Variants in AOPEP observed in about 807,000 individuals in gnomAD.
The protein encoded by AOPEP is aminopeptidase O.
Under a neutral mutation model 98.1 loss-of-function variants are expected in AOPEP, and 77 were observed. The observed-to-expected ratio is 0.78, with a 90% CI of 0.65 to 0.95. The LOEUF is 0.95. Among genes scored for constraint, AOPEP ranks in the 40% least tolerant of loss-of-function variants. The probability of loss-of-function intolerance (pLI) is 0.00; values close to 1 mark genes in which losing one functional copy is unlikely to be tolerated. For synonymous variants in AOPEP, 346 were observed against 365.3 expected, an observed-to-expected ratio of 0.95 and a Z score of 0.60; for missense variants, 1,024 against 1,024.7, an observed-to-expected ratio of 1.00 and a Z score of 0.01.
the AOPEP span, chr9:95,111,313 A>G: frequency 6.3e-7 from 1 of 1,592,716 alleles, no homozygotes; most frequent in African/African-American, 1.3e-5. Context: ...GCTGGAGATC[A>G]CCATGCCTGC....
At chr9:95,060,974 T>C (rs2067269417) in intron 14 of AOPEP, 164 bp downstream of exon 14, 1 of 590,370 alleles carries the variant, frequency 1.7e-6, no homozygotes, top group South Asian at 2.1e-5. Context: ...TGATTATGCT[T>C]ATGCTTCTAA....
At chr9:95,131,067 T>C in the AOPEP span, among the ~76,000 whole-genome samples, 2 of 152,278 alleles carry the variant, frequency 1.3e-5, no homozygotes, top group Non-Finnish European at 2.9e-5. Context: ...TCTTTCTTTT[T>C]AATCTTTACC....
At chr9:95,005,281 G>T (rs2061907117) in intron 12 of AOPEP, 61 bp downstream of exon 12, 3 of 888,780 alleles carry the variant, frequency 3.4e-6, no homozygotes, top group South Asian at 1.1e-4. Flanking sequence ...CGCGGCTGGC[G>T]AGAGGCCCTG....
chr9:94,939,961 T>C (rs948473918), intron 7 of AOPEP, among the ~76,000 whole-genome samples: 3 of 152,216 alleles, frequency 2.0e-5, no homozygotes, highest in African/African-American at 7.2e-5. Flanking sequence ...ACCAACTATA[T>C]ATGAAACATA....
At chr9:95,139,075 C>CT in the AOPEP span, among the ~76,000 whole-genome samples, 3 of 152,286 alleles carry the variant, frequency 2.0e-5, no homozygotes, top group South Asian at 6.2e-4. Context: ...GATATGCTTG[C>CT]TTAACAGAAT....
chr9:94,736,561 A>T (rs1831824878), intron 1 of AOPEP, among the ~76,000 whole-genome samples: 2 of 152,188 alleles, frequency 1.3e-5, no homozygotes, highest in Non-Finnish European at 2.9e-5. Flanking sequence ...ATGGACAGTA[A>T]TAAATTATAT....
chr9:94,947,619 T>G (rs935519326), intron 7 of AOPEP, among the ~76,000 whole-genome samples: 1 of 152,228 alleles, frequency 6.6e-6, no homozygotes, highest in South Asian at 2.1e-4. Flanking sequence ...GCATTTTTCC[T>G]CCTTAATAAC....
the AOPEP span, chr9:95,107,437 A>C: frequency 2.9e-6 from 2 of 696,856 alleles, no homozygotes; most frequent in Non-Finnish European, 5.0e-6. Context: ...CACAAACCCA[A>C]ATGGGCGGAA....
chr9:94,741,940 C>A (rs1833232096), intron 1 of AOPEP, among the ~76,000 whole-genome samples: 1 of 152,202 alleles, frequency 6.6e-6, no homozygotes, highest in Non-Finnish European at 1.5e-5. Context: ...GACACGCATA[C>A]TTCCATTTAC....
chr9:94,777,831 C>T (rs1842493955), intron 3 of AOPEP, among the ~76,000 whole-genome samples: 1 of 151,800 alleles, frequency 6.6e-6, no homozygotes, highest in African/African-American at 2.4e-5. Flanking sequence ...ACCATGTTTA[C>T]CAGGCTGGTC....
the AOPEP span, among the ~76,000 whole-genome samples, chr9:95,103,929 C>T: frequency 1.3e-5 from 2 of 152,332 alleles, no homozygotes; most frequent in East Asian, 3.9e-4. Flanking sequence ...CTTGAGCTGG[C>T]ACTGCTCTCC....
intron 7 of AOPEP, 116 bp downstream of exon 7, chr9:94,928,647 G>T: frequency 7.2e-6 from 5 of 697,162 alleles, no homozygotes; most frequent in Non-Finnish European, 1.2e-5. Flanking sequence ...GTTGGGGTGG[G>T]CTTCTTGTCC....
chr9:95,144,891 CA>C, the AOPEP span, among the ~76,000 whole-genome samples: 2 of 152,142 alleles, frequency 1.3e-5, no homozygotes, highest in Non-Finnish European at 2.9e-5. Context: ...CAGTATCTCA[CA>C]TAAGGACCAA....
chr9:94,960,354 T>C (rs997429636), intron 9 of AOPEP, among the ~76,000 whole-genome samples: 18 of 148,104 alleles, frequency 1.2e-4, no homozygotes, highest in African/African-American at 4.5e-4. Flanking sequence ...GGGGTTGCAG[T>C]GAGGCGAGAT....
chr9:94,787,131 G>A (rs1418718031), intron 3 of AOPEP, among the ~76,000 whole-genome samples: 1 of 152,208 alleles, frequency 6.6e-6, no homozygotes, highest in African/African-American at 2.4e-5. Flanking sequence ...AACAATGACA[G>A]TTTTAACATA....
chr9:95,101,696 C>T, the AOPEP span: 1 of 1,613,582 alleles, frequency 6.2e-7, no homozygotes, highest in Non-Finnish European at 8.5e-7. Context: ...CCCACACGGC[C>T]TGCGTGCCTT....
the AOPEP span, among the ~76,000 whole-genome samples, chr9:95,106,212 C>CCTTT: frequency 2.6e-5 from 4 of 152,164 alleles, no homozygotes; most frequent in African/African-American, 9.7e-5. Context: ...CCACTCATGC[C>CCTTT]CTTTCTGTGA....
chr9:94,966,927 T>C (rs10993415), intron 9 of AOPEP, among the ~76,000 whole-genome samples: 1 of 152,182 alleles, frequency 6.6e-6, no homozygotes, highest in Non-Finnish European at 1.5e-5. Context: ...CTTTATGCTT[T>C]TGTGGTATGT....
chr9:94,926,961 T>C (rs2054444379), intron 6 of AOPEP, among the ~76,000 whole-genome samples: 1 of 152,128 alleles, frequency 6.6e-6, no homozygotes, highest in African/African-American at 2.4e-5. Flanking sequence ...TTCACAGACA[T>C]ATTAGTCTGC....
Sources: gnomAD v4.1 joint callset for allele counts (sites outside exome capture counted in the v4.1 genomes callset) on GRCh38, gnomAD v4.1.1 for gene constraint, MANE v1.5 for transcripts, NCBI Gene and HGNC (gene_info 2026-07-23, HGNC 2026-07-21) for gene names.